SPATA13: variants seen among roughly 807,000 people sequenced by gnomAD.
The protein encoded by SPATA13 is spermatogenesis associated 13.
SPATA13 carries 50 observed loss-of-function variants against 104.0 expected under a neutral mutation model. The observed-to-expected ratio is 0.48, with a 90% CI of 0.38 to 0.61. The LOEUF is 0.61. Ranked by LOEUF, SPATA13 falls within the 20% of genes least tolerant of loss-of-function variation. The pLI, the probability that SPATA13 is intolerant of heterozygous loss-of-function variation, is 0.00. For synonymous variants in SPATA13, 606 were observed against 667.5 expected (o/e 0.91, Z 1.42); for missense variants, 1,524 against 1,690.6 (o/e 0.90, Z 1.73).
At chr13:24,204,407 GA>G (rs1870587595) in intron 1 of SPATA13, among the ~76,000 whole-genome samples, 2 of 149,724 alleles carry the variant, frequency 1.3e-5, no homozygotes, top group Non-Finnish European at 2.9e-5. Flanking sequence ...TTGGCAGACA[GA>G]GCTTTTTTTT....
At position 24,111,994 on chromosome 13, in the gene SPATA13, G is replaced by T. The variant is rs1409032; in HGVS notation, c.-112+94293G>T. ...ATATTCTCTAGATCGTTTTGAATTG[G>T]ATAAAGACTCTTGTTCTTGACAGTT... On this transcript the variant is annotated intron_variant, in intron 3 of 14. Transcript: ENST00000424834. Among the ~76,000 whole-genome samples the T allele has an allele frequency of 4.6e-5, 7 of 152,126 alleles. No individual in the cohort carries two copies. The South Asian group carries it at 1.5e-3, about 32-fold the overall frequency.
At chr13:24,230,728 A>C (rs1872216453) in intron 2 of SPATA13, among the ~76,000 whole-genome samples, 1 of 152,064 alleles carries the variant, frequency 6.6e-6, no homozygotes, top group African/African-American at 2.4e-5. Context: ...GTGCTCAGGG[A>C]GCTGCAGACG....
chr13:24,255,261 A>T (rs1384553164), intron 4 of SPATA13, among the ~76,000 whole-genome samples: 1 of 152,138 alleles, frequency 6.6e-6, no homozygotes, highest in Non-Finnish European at 1.5e-5. Flanking sequence ...GACTTGTAGT[A>T]GGATGCCTAC....
chr13:23,983,854 A>C (rs1875025568), exon 2 of SPATA13: 2 of 982,808 alleles, frequency 2.0e-6, no homozygotes, highest in Non-Finnish European at 2.4e-6. Flanking sequence ...CCTGTGCAGC[A>C]CCACAGGCCT....
rs3075288 is a variant in SPATA13, at chr13:24,141,173, C to CA, written c.-111-81634dup. ...TCGGTGGCAGAGTGAGACTCTGGCT[C>CA]AAAAAAAAAAAAGAAAAAGAAATTA... On this transcript the variant is annotated intron_variant, in intron 3 of 14. Coordinates refer to the SPATA13 transcript ENST00000424834. 1.7e-3 allele frequency among the ~76,000 whole-genome samples: 237 copies of CA among 139,132 alleles called. 1 individual carries two copies. Among genetic ancestry groups the CA allele is most frequent in the East Asian group, 5.8e-3 (28 of 4,792 alleles). 91.3% of individuals were successfully genotyped at this position (139,132 alleles called of 152,430 possible). A position where few individuals can be genotyped will look rare whatever the true frequency, so the allele number is the denominator to read the frequency against.
At chr13:24,123,590 C>G (rs1881113511) in intron 3 of SPATA13, 5 of 1,608,652 alleles carry the variant, frequency 3.1e-6, no homozygotes, top group Non-Finnish European at 4.3e-6. Flanking sequence ...CCTCTTTCCT[C>G]TTACTACAGG....
intron 4 of SPATA13, among the ~76,000 whole-genome samples, chr13:24,273,497 A>C (rs1402029206): frequency 6.6e-6 from 1 of 152,200 alleles, no homozygotes; most frequent in Admixed American, 6.5e-5. Context: ...GAAAGTCTAG[A>C]TTAGATATAC....
chr13:24,063,495 C>A (rs1593307197), intron 3 of SPATA13, among the ~76,000 whole-genome samples: 2 of 152,096 alleles, frequency 1.3e-5, no homozygotes, highest in African/African-American at 2.4e-5. Flanking sequence ...CCCTCGGTGG[C>A]CTTTCCTCCC....
At chr13:24,233,184 A>G (rs1256562510) in intron 2 of SPATA13, among the ~76,000 whole-genome samples, 3 of 152,250 alleles carry the variant, frequency 2.0e-5, no homozygotes, top group Non-Finnish European at 2.9e-5. Context: ...TGACAAAAAC[A>G]TTACAGAATT....
chr13:23,993,076 C>T (rs1875489921), intron 2 of SPATA13, among the ~76,000 whole-genome samples: 1 of 152,220 alleles, frequency 6.6e-6, no homozygotes, highest in Admixed American at 6.5e-5. Context: ...AGCCTGGAAG[C>T]ATCAGCAGAG....
At chr13:23,990,413 C>T (rs1366441785) in intron 2 of SPATA13, among the ~76,000 whole-genome samples, 3 of 152,196 alleles carry the variant, frequency 2.0e-5, no homozygotes, top group Non-Finnish European at 4.4e-5. Flanking sequence ...CTCCTTCCTA[C>T]ACTCCACTGT....
chr13:24,041,399 TG>T (rs749191531), intron 3 of SPATA13, among the ~76,000 whole-genome samples: 175 of 152,232 alleles, frequency 1.1e-3, no homozygotes, highest in Non-Finnish European at 2.1e-3. Flanking sequence ...GCATAATCCA[TG>T]ATGCCTATGT....
chr13:24,081,362 T>A (rs925318376), intron 3 of SPATA13, among the ~76,000 whole-genome samples: 16 of 152,182 alleles, frequency 1.1e-4, no homozygotes, highest in Admixed American at 8.5e-4. Context: ...TTCTTTATAC[T>A]CCCCACTGTC....
intron 4 of SPATA13, among the ~76,000 whole-genome samples, chr13:24,276,499 G>A (rs1019832275): frequency 2.0e-5 from 3 of 152,192 alleles, no homozygotes; most frequent in African/African-American, 7.2e-5. Context: ...CCAAGGAACA[G>A]GAGAGGAAGA....
intron 1 of SPATA13, among the ~76,000 whole-genome samples, chr13:24,191,258 G>A (rs985014192): frequency 3.3e-5 from 5 of 151,982 alleles, no homozygotes; most frequent in African/African-American, 4.8e-5. Flanking sequence ...TTATAGACAT[G>A]AGCCATCTTG....
chr13:24,219,885 A>G (rs1871473987), intron 1 of SPATA13, among the ~76,000 whole-genome samples: 1 of 152,156 alleles, frequency 6.6e-6, no homozygotes, highest in Non-Finnish European at 1.5e-5. Flanking sequence ...CTTACTGTAG[A>G]GTGATCAGTT....
rs1443623582 is a variant in SPATA13 at position 24,302,985 on chromosome 13, T to G, written c.*212T>G. 1.6e-6 allele frequency: 1 copy of G among 626,684 alleles called. No individual in the cohort carries two copies. Among genetic ancestry groups the G allele is most frequent in the African/African-American group, 1.8e-5 (1 of 54,566 alleles). The allele number at this position is 626,684 out of a possible 1,614,324, so 38.8% of individuals were successfully genotyped here. A position where few individuals can be genotyped will look rare whatever the true frequency, so the allele number is the denominator to read the frequency against. On this transcript the variant is annotated 3_prime_UTR_variant, in exon 13 of 13. Coordinates refer to ENST00000382108, the MANE Select transcript of SPATA13 (RefSeq NM_001166271.3). ...GAGGAGACGGTCATGACACAAAGCT[T>G]TATCCTACACAGAAACACCCGTGAC...
At chr13:24,256,293 G>C (rs1873786812) in intron 4 of SPATA13, among the ~76,000 whole-genome samples, 1 of 152,184 alleles carries the variant, frequency 6.6e-6, no homozygotes. Flanking sequence ...CACAGTTAAT[G>C]ACAATGTATT....
chr13:24,086,380 T>C (rs1349619767), intron 3 of SPATA13, among the ~76,000 whole-genome samples: 1 of 152,054 alleles, frequency 6.6e-6, no homozygotes, highest in Non-Finnish European at 1.5e-5. Context: ...CGCAGGGTCC[T>C]CTTAGGAGGA....
Sources: gnomAD v4.1 joint callset for allele counts (sites outside exome capture counted in the v4.1 genomes callset) on GRCh38, gnomAD v4.1.1 for gene constraint, MANE v1.5 for transcripts, NCBI Gene and HGNC (gene_info 2026-07-23, HGNC 2026-07-21) for gene names.